SH3GL1: variants seen among roughly 807,000 people sequenced by gnomAD.
The protein encoded by SH3GL1 is endophilin-A2.
SH3GL1 carries 21 observed loss-of-function variants against 48.8 expected under a neutral mutation model. The observed-to-expected ratio is 0.43, with a 90% CI of 0.30 to 0.62. The LOEUF is 0.62. Among genes scored for constraint, SH3GL1 ranks in the 20% least tolerant of loss-of-function variants. The probability of loss-of-function intolerance (pLI) is 0.11; values close to 1 mark genes in which losing one functional copy is unlikely to be tolerated. For synonymous variants in SH3GL1, 282 were observed against 217.5 expected (o/e 1.30, Z -2.61); for missense variants, 454 against 503.0 (o/e 0.90, Z 0.93).
At chr19:4,363,634 G>C (rs545258192) in intron 6 of SH3GL1, 86 bp downstream of exon 6, 61 of 1,562,096 alleles carry the variant, frequency 3.9e-5, no homozygotes, top group South Asian at 7.8e-5. Context: ...GGTAGGTGCC[G>C]ATCTGTCCTC....
At position 4,363,411 on chromosome 19, in the gene SH3GL1, G is replaced by A. The variant is rs374963500; in HGVS notation, c.687C>T (p.Ala229=). The A allele has an allele frequency of 1.8e-4, 293 of 1,611,916 alleles. 3 individuals carry two copies. In the South Asian group the frequency reaches 2.8e-3, roughly 15 times the overall value. ...VDAQLDYHRQ[A]VQILDELAEK... is the part of the protein sequence containing the mutation. ...CCGCCAGCTCGTCCAGGATCTGCAC[G>A]GCCTGCCGGTGGTAGTCCAGCTGTG... The change falls in exon 7 of 10, where the codon GCC becomes GCT. Residue 229 remains alanine, a synonymous_variant. Transcript: ENST00000269886.
intron 1 of SH3GL1, among the ~76,000 whole-genome samples, chr19:4,385,089 A>C (rs1487464200): frequency 2.1e-5 from 3 of 143,632 alleles, no homozygotes; most frequent in African/African-American, 7.8e-5. Flanking sequence ...GGGTGACGAG[A>C]GACTCCATCT....
intron 1 of SH3GL1, among the ~76,000 whole-genome samples, chr19:4,394,126 C>CAA (rs34866100): frequency 2.2e-5 from 2 of 89,756 alleles, no homozygotes; most frequent in South Asian, 4.3e-4. Context: ...TCCTTTCAGG[C>CAA]AAAAAAAAAA....
At chr19:4,375,313 C>T (rs1159840117) in intron 1 of SH3GL1, among the ~76,000 whole-genome samples, 1 of 152,238 alleles carries the variant, frequency 6.6e-6, no homozygotes, top group Non-Finnish European at 1.5e-5. Context: ...GAGAGACATG[C>T]CTGGCCCAAG....
chr19:4,399,255 G>C (rs1973476548), intron 1 of SH3GL1, among the ~76,000 whole-genome samples: 1 of 141,594 alleles, frequency 7.1e-6, no homozygotes, highest in South Asian at 2.2e-4. Context: ...AGGAGGCGGA[G>C]CTTGCAGTGA....
chr19:4,365,889 T>C (rs1972766174), intron 3 of SH3GL1, among the ~76,000 whole-genome samples: 1 of 152,150 alleles, frequency 6.6e-6, no homozygotes, highest in South Asian at 2.1e-4. Flanking sequence ...GGAACGTGGC[T>C]ATGACCCCTC....
rs58263818 is a variant in SH3GL1, at chr19:4,399,319, C to CAAAAAAAA, written c.45+997_45+1004dup. ...GGGGCGACAGAGCATGACTCCCTCTCAAAAAAAAAAAAAAAAAAAAAAATC... is the reference window on the plus strand; with the variant it reads ...GGGGCGACAGAGCATGACTCCCTCTCAAAAAAAAAAAAAAAAAAAAAAAAAAAAAAATC... On this transcript the variant is annotated intron_variant, in intron 1 of 9. Coordinates refer to ENST00000269886, the MANE Select transcript of SH3GL1 (RefSeq NM_003025.4). Among the ~76,000 whole-genome samples, 128 of 49,560 alleles carry CAAAAAAAA rather than the reference C, an allele frequency of 2.6e-3. 2 individuals are homozygous for CAAAAAAAA. Among genetic ancestry groups the CAAAAAAAA allele is most frequent in the Non-Finnish European group, 3.3e-3 (95 of 28,914 alleles). The allele number at this position is 49,560 out of a possible 152,430, so 32.5% of individuals were successfully genotyped here. A position where few individuals can be genotyped will look rare whatever the true frequency, so the allele number is the denominator to read the frequency against.
rs139761503 is a variant in SH3GL1, at chr19:4,367,293, G to A, written c.46-299C>T. Among the ~76,000 whole-genome samples, 91 of 152,294 alleles carry A rather than the reference G, an allele frequency of 6.0e-4. 2 individuals carry two copies. The East Asian group carries it at 0.016, about 28-fold the overall frequency. On this transcript the variant is annotated intron_variant, in intron 1 of 9. Coordinates refer to ENST00000269886, the MANE Select transcript of SH3GL1 (RefSeq NM_003025.4). The surrounding 1 kb of genome is among the most constrained non-coding windows in gnomAD (Gnocchi z 4.2). ...CCACAGTAGGCCCCATCTGGGCCAC[G>A]GTGGAGTCCAGAGCCTCAGCCTGAG...
At chr19:4,371,731 C>T (rs528545801) in intron 1 of SH3GL1, among the ~76,000 whole-genome samples, 1 of 152,310 alleles carries the variant, frequency 6.6e-6, no homozygotes, top group East Asian at 1.9e-4. Context: ...CAGCAGAGTT[C>T]ACGGGTCCTC....
At chr19:4,364,013 T>G (rs1599590823) in intron 5 of SH3GL1, 75 bp downstream of exon 5, 1 of 1,605,656 alleles carries the variant, frequency 6.2e-7, no homozygotes, top group Non-Finnish European at 8.5e-7. Context: ...AGGCTGGAGG[T>G]GAGGGTGGCA....
Position 4,363,449 on chromosome 19 carries a change from C to A in SH3GL1, c.649G>T (p.Ala217Ser). The A allele has an allele frequency of 6.2e-7, 1 of 1,612,798 alleles. No individual in the cohort carries two copies. Among genetic ancestry groups the A allele is most frequent in the South Asian group, 1.1e-5 (1 of 90,920 alleles). The change falls in exon 7 of 10, where the codon GCC becomes TCC. Residue 217 changes from alanine to serine, a missense_variant. Ala to Ser is a moderately conservative substitution (Grantham distance 99). Coordinates refer to ENST00000269886, the MANE Select transcript of SH3GL1 (RefSeq NM_003025.4). ...TDIEQVSQLS[A>S]LVDAQLDYHR... ...TAGTCCAGCTGTGCATCCACCAGGG[C>A]CGAGAGCTGACTCACCTGCTCGATC...
chr19:4,381,579 CCTCT>C (rs761718224), intron 1 of SH3GL1, among the ~76,000 whole-genome samples: 69 of 95,824 alleles, frequency 7.2e-4, no homozygotes, highest in Middle Eastern at 6.3e-3. Context: ...GTTCCCCCTG[CCTCT>C]CTCTGTCTAC....
intron 1 of SH3GL1, among the ~76,000 whole-genome samples, chr19:4,369,005 G>A (rs1291371149): frequency 6.6e-6 from 1 of 152,188 alleles, no homozygotes; most frequent in Non-Finnish European, 1.5e-5. Context: ...CCGGGAGGTG[G>A]AGCTTGCAGT....
intron 7 of SH3GL1, 40 bp from the exon 8 acceptor site, chr19:4,362,776 C>A: frequency 3.1e-6 from 5 of 1,612,388 alleles, no homozygotes; most frequent in Non-Finnish European, 4.2e-6. Context: ...GCCCGTGTCA[C>A]GGCCGAGGCA....
In SH3GL1 at chr19:4,361,222, C is replaced by T. The variant is rs927001083; in HGVS notation, c.*378G>A. The T allele has an allele frequency of 6.4e-6, 2 of 310,644 alleles. No homozygotes were observed. The highest frequency in any genetic ancestry group is 1.2e-5 in the Non-Finnish European group (2 of 166,022). The allele number at this position is 310,644 out of a possible 1,614,324, so 19.2% of individuals were successfully genotyped here. On this transcript the variant is annotated 3_prime_UTR_variant, in exon 10 of 10. Coordinates refer to ENST00000269886, the MANE Select transcript of SH3GL1 (RefSeq NM_003025.4). ...ACTCGAGGGTAGGCAGTGGGCCGGGCCCCCGTCGGGTCAGGACGGAGGTGG... is the reference window on the plus strand; with the variant it reads ...ACTCGAGGGTAGGCAGTGGGCCGGGTCCCCGTCGGGTCAGGACGGAGGTGG...
In SH3GL1 at chr19:4,364,128, G is replaced by A. The variant is rs1334979888; in HGVS notation, c.425C>T (p.Pro142Leu). Residue 142 changes from proline (P) to leucine (L), a missense_variant, in exon 5 of 10, where the codon CCC becomes CTC. By Grantham distance (98) the Pro-to-Leu change is moderately conservative. Transcript: ENST00000269886. ...GTCTTTCTCGCACAGGTTCTGGAGG[G>A]GGTCAATGAAGTTCTGCTTGACCTC... ...DIEVKQNFIDPLQNLCEKDLK... is the reference protein window; with the variant it reads ...DIEVKQNFIDLLQNLCEKDLK... The A allele has an allele frequency of 1.9e-6, 3 of 1,613,616 alleles. No homozygotes were observed. Among genetic ancestry groups the A allele is most frequent in the Non-Finnish European group, 2.5e-6 (3 of 1,179,996 alleles).
intron 3 of SH3GL1, 51 bp from the exon 4 acceptor site, chr19:4,365,676 G>A: frequency 1.2e-6 from 2 of 1,608,872 alleles, no homozygotes; most frequent in Non-Finnish European, 1.7e-6. Flanking sequence ...GCACTCCTCT[G>A]CCCTGGCAGA....
Position 4,361,349 on chromosome 19 carries a change from C to G in SH3GL1, c.*251G>C. Reference sequence around the variant, plus strand: ...TGGGGAGCGGGGGAGGAGGCTGGCGCCATGGAGTGGGGAAGGGAGCCGTCA... The same window carrying G: ...TGGGGAGCGGGGGAGGAGGCTGGCGGCATGGAGTGGGGAAGGGAGCCGTCA... On this transcript the variant is annotated 3_prime_UTR_variant, in exon 10 of 10. Transcript: ENST00000269886. 1.9e-6 allele frequency: 1 copy of G among 529,428 alleles called. No homozygotes were observed. The highest frequency in any genetic ancestry group is 3.4e-6 in the Non-Finnish European group (1 of 298,342). 32.8% of individuals were successfully genotyped at this position (529,428 alleles called of 1,614,324 possible). A position where few individuals can be genotyped will look rare whatever the true frequency, so the allele number is the denominator to read the frequency against.
intron 1 of SH3GL1, among the ~76,000 whole-genome samples, chr19:4,387,263 G>A (rs956184322): frequency 6.6e-6 from 1 of 151,544 alleles, no homozygotes; most frequent in Non-Finnish European, 1.5e-5. Context: ...ATTCTGGCAA[G>A]AAGGAACTTC....
Sources: allele counts gnomAD v4.1 joint callset (sites outside exome capture counted in the v4.1 genomes callset), GRCh38; gene constraint gnomAD v4.1.1; non-coding constraint Gnocchi (gnomAD v3.1); transcripts MANE v1.5; gene names NCBI Gene and HGNC (gene_info 2026-07-23, HGNC 2026-07-21).